The following NTAQ1 variants were observed in gnomAD, a reference collection of about 807,000 sequenced individuals.
NTAQ1 encodes protein N-terminal glutamine amidohydrolase.
Under a neutral mutation model 28.2 loss-of-function variants are expected in NTAQ1, and 21 were observed. That is an observed-to-expected ratio of 0.74 (90% confidence interval 0.53 to 1.07). The LOEUF (loss-of-function observed/expected upper bound fraction) is 1.07, where lower values mean the gene tolerates loss of function less well. NTAQ1 is among the 50% of genes least tolerant of loss of function. The probability of loss-of-function intolerance (pLI) is 0.00; values close to 1 mark genes in which losing one functional copy is unlikely to be tolerated. For missense variants in NTAQ1, 264 were observed against 256.6 expected (o/e 1.03, Z -0.20); for synonymous variants, 105 against 90.0 (o/e 1.17, Z -0.94).
At chr8:123,419,740 C>CTCCCTCCCTCTT (rs1813552617) in intron 1 of NTAQ1, among the ~76,000 whole-genome samples, 1 of 47,980 alleles carries the variant, frequency 2.1e-5, no homozygotes, top group Non-Finnish European at 4.3e-5. Context: ...ACAGCCCTCC[C>CTCCCTCCCTCTT]TCCCTCCCTC....
intron 6 of NTAQ1, among the ~76,000 whole-genome samples, chr8:123,455,804 C>A (rs1586966461): frequency 6.6e-6 from 1 of 152,118 alleles, no homozygotes; most frequent in Non-Finnish European, 1.5e-5. Flanking sequence ...GACCATGTAT[C>A]ATGAAATATG....
intron 6 of NTAQ1, among the ~76,000 whole-genome samples, chr8:123,465,608 GTC>G (rs1345607436): frequency 2.8e-5 from 3 of 107,784 alleles, no homozygotes; most frequent in Non-Finnish European, 5.3e-5. Flanking sequence ...TTGAGACAGA[GTC>G]TTGCTCTGTC....
In NTAQ1 at chr8:123,436,570, T is replaced by G; in HGVS notation, c.352T>G (p.Ser118Ala). The G allele has an allele frequency of 6.2e-7, 1 of 1,614,000 alleles. No individual in the cohort carries two copies. Among genetic ancestry groups the G allele is most frequent in the Non-Finnish European group, 8.5e-7 (1 of 1,179,942 alleles). ...FDTYVEDAFK[S>A]DDDIHPQFRR... ...CACTTATGTAGAAGATGCCTTTAAG[T>G]CTGATGATGACATTCACCCACAGTT... Residue 118 changes from serine to alanine, a missense_variant, in exon 4 of 6, where the codon TCT (serine) becomes GCT (alanine). By Grantham distance (99) the Ser-to-Ala change is moderately conservative (BLOSUM62 1). Coordinates refer to ENST00000287387, the MANE Select transcript of NTAQ1 (RefSeq NM_018024.3).
At chr8:123,421,499 A>C (rs1439005757) in intron 1 of NTAQ1, among the ~76,000 whole-genome samples, 1 of 145,618 alleles carries the variant, frequency 6.9e-6, no homozygotes, top group Non-Finnish European at 1.5e-5. Context: ...GGCCATGTGC[A>C]TGTCTCTTTT....
chr8:123,440,620 C>T (rs1815006213), intron 5 of NTAQ1, among the ~76,000 whole-genome samples: 1 of 151,728 alleles, frequency 6.6e-6, no homozygotes, highest in Admixed American at 6.6e-5. Context: ...CTGTCTCAGC[C>T]TCCTAAGTAG....
chr8:123,437,059 TA>T, intron 4 of NTAQ1, 150 bp from the exon 5 acceptor site: 1 of 1,003,332 alleles, frequency 1.0e-6, no homozygotes, highest in Non-Finnish European at 1.4e-6. Flanking sequence ...TATGCTTCTC[TA>T]ATAGGTAGTA....
intron 5 of NTAQ1, among the ~76,000 whole-genome samples, chr8:123,440,146 CTTTTTTTTTTTTTT>C (rs577877415): frequency 3.5e-5 from 2 of 56,542 alleles, no homozygotes; most frequent in African/African-American, 1.5e-4. Context: ...GGATTAACTC[CTTTTTTTTTTTTTT>C]TTTTTTTTTT....
At chr8:123,457,074 T>C (rs921716666) in intron 6 of NTAQ1, among the ~76,000 whole-genome samples, 1 of 152,174 alleles carries the variant, frequency 6.6e-6, no homozygotes, top group Non-Finnish European at 1.5e-5. Context: ...CATATAGATA[T>C]ATATATTTTT....
intron 1 of NTAQ1, among the ~76,000 whole-genome samples, chr8:123,426,454 G>C (rs1246188640): frequency 6.6e-6 from 1 of 152,166 alleles, no homozygotes; most frequent in Non-Finnish European, 1.5e-5. Flanking sequence ...AAGATTGCTT[G>C]AGCTCAGCAG....
In NTAQ1 at chr8:123,428,010, A is replaced by G; in HGVS notation, c.170A>G (p.Asn57Ser). Residue 57 changes from asparagine to serine, a missense_variant, in exon 2 of 6, where the codon AAT (asparagine) becomes AGT (serine). Coordinates refer to ENST00000287387, the MANE Select transcript of NTAQ1 (RefSeq NM_018024.3). ...LEECYAVFISNERKMIPIWKQ... is the reference protein window; with the variant it reads ...LEECYAVFISSERKMIPIWKQ... ...GAATGTTATGCTGTCTTCATATCTA[A>G]TGAGAGGAAGATGGTAAGTTGGTGA... 6.2e-7 allele frequency: 1 copy of G among 1,604,990 alleles called. No homozygotes were observed.
downstream of NTAQ1, among the ~76,000 whole-genome samples, chr8:123,449,925 A>ATG (rs1815427798): frequency 4.0e-5 from 2 of 50,474 alleles, no homozygotes; most frequent in African/African-American, 1.3e-4. Flanking sequence ...GTGTGTATAT[A>ATG]TATATGTGTG....
chr8:123,458,842 G>A (rs1429033505), intron 6 of NTAQ1, among the ~76,000 whole-genome samples: 1 of 151,888 alleles, frequency 6.6e-6, no homozygotes, highest in Admixed American at 6.6e-5. Context: ...GGATGGTCTC[G>A]ATCTCCTGAC....
chr8:123,435,424 C>A, intron 3 of NTAQ1: 1 of 953,464 alleles, frequency 1.0e-6, no homozygotes, highest in Non-Finnish European at 1.2e-6. Flanking sequence ...AAATTAAAGT[C>A]CTCCTTCTCC....
rs1045284 is a variant in NTAQ1 at position 123,441,739 on chromosome 8, T to C, written c.*324T>C. ...GTAGAGCCAGCCCCTCATGTCTGTTTTGGATGTTTTGTGTCTCTCCAGCTA... is the reference window on the plus strand; with the variant it reads ...GTAGAGCCAGCCCCTCATGTCTGTTCTGGATGTTTTGTGTCTCTCCAGCTA... On this transcript the variant is annotated 3_prime_UTR_variant, in exon 6 of 6. Coordinates refer to ENST00000287387, the MANE Select transcript of NTAQ1 (RefSeq NM_018024.3). 0.38 allele frequency: 99,808 copies of C among 264,410 alleles called. 19,185 individuals carry two copies. Among genetic ancestry groups the C allele is most frequent in the East Asian group, 0.58 (7,695 of 13,298 alleles). 16.4% of individuals were successfully genotyped at this position (264,410 alleles called of 1,614,324 possible). A position where few individuals can be genotyped will look rare whatever the true frequency, so the allele number is the denominator to read the frequency against.
chr8:123,468,153 G>A (rs1257126293), exon 7 of NTAQ1, among the ~76,000 whole-genome samples: 1 of 152,156 alleles, frequency 6.6e-6, no homozygotes, highest in African/African-American at 2.4e-5. Context: ...CCCCAAAGGG[G>A]GTAGTGGGGT....
intron 1 of NTAQ1, among the ~76,000 whole-genome samples, chr8:123,426,231 T>C (rs1400022206): frequency 6.6e-6 from 1 of 152,236 alleles, no homozygotes; most frequent in African/African-American, 2.4e-5. Flanking sequence ...TTTGATGTAC[T>C]ACTGGGCATC....
chr8:123,432,107 A>T (rs1225250010), intron 3 of NTAQ1, among the ~76,000 whole-genome samples: 1 of 152,218 alleles, frequency 6.6e-6, no homozygotes, highest in Non-Finnish European at 1.5e-5. Flanking sequence ...GGGCATGGGT[A>T]GGCCTCGCTG....
intron 1 of NTAQ1, among the ~76,000 whole-genome samples, chr8:123,424,389 C>A (rs753120219): frequency 2.6e-5 from 4 of 151,984 alleles, no homozygotes; most frequent in Non-Finnish European, 5.9e-5. Flanking sequence ...ATTACAGGTG[C>A]CTGCCACCAC....
chr8:123,416,971 T>A, intron 1 of NTAQ1, 39 bp downstream of exon 1: 1 of 1,403,320 alleles, frequency 7.1e-7, no homozygotes, highest in Non-Finnish European at 9.3e-7. Flanking sequence ...TCTCCCAGGC[T>A]CCCGGGCGGC....
Sources: gnomAD v4.1 joint callset for allele counts (sites outside exome capture counted in the v4.1 genomes callset) on GRCh38, gnomAD v4.1.1 for gene constraint, MANE v1.5 for transcripts, NCBI Gene and HGNC (gene_info 2026-07-23, HGNC 2026-07-21) for gene names.